Variants in ATG7 observed in about 807,000 individuals in gnomAD.
The protein encoded by ATG7 is ubiquitin-like modifier-activating enzyme ATG7.
ATG7 carries 70 observed loss-of-function variants against 82.4 expected under a neutral mutation model. That is an observed-to-expected ratio of 0.85 (90% CI 0.70 to 1.04). ATG7 has a LOEUF of 1.04. Ranked by LOEUF, ATG7 falls within the 50% of genes least tolerant of loss-of-function variation. The probability of loss-of-function intolerance (pLI) is 0.00; values close to 1 mark genes in which losing one functional copy is unlikely to be tolerated. For missense variants in ATG7, 792 were observed against 864.3 expected (o/e 0.92, Z 1.05); for synonymous variants, 287 against 313.0 (o/e 0.92, Z 0.88).
At chr3:11,574,779 CTA>C in the ATG7 span, among the ~76,000 whole-genome samples, 1,497 of 121,694 alleles carry the variant, frequency 0.012, 18 homozygotes, top group African/African-American at 0.023. Flanking sequence ...GTCAATTCAA[CTA>C]TATATGTGTG....
chr3:11,499,392 C>G (rs1248324561), intron 20 of ATG7, among the ~76,000 whole-genome samples: 1 of 152,130 alleles, frequency 6.6e-6, no homozygotes, highest in East Asian at 1.9e-4. Context: ...TGTGACCCAC[C>G]TTGATCTAGT....
intron 20 of ATG7, among the ~76,000 whole-genome samples, chr3:11,551,072 G>A (rs921192808): frequency 6.6e-6 from 1 of 152,096 alleles, no homozygotes. Flanking sequence ...TTTTCGTAAT[G>A]AGCCGAGATG....
chr3:11,359,379 A>G (rs1181464695), intron 15 of ATG7, among the ~76,000 whole-genome samples: 15 of 152,186 alleles, frequency 9.9e-5, no homozygotes, highest in Admixed American at 9.8e-4. Flanking sequence ...AACTATGAAA[A>G]GTTGTTATAG....
At chr3:11,419,504 A>G (rs2081732076) in intron 19 of ATG7, among the ~76,000 whole-genome samples, 1 of 152,212 alleles carries the variant, frequency 6.6e-6, no homozygotes, top group Non-Finnish European at 1.5e-5. Flanking sequence ...CAGTGAGCCA[A>G]GATCACGTCA....
At chr3:11,366,971 C>CTGTGTGTGTGTGTGTGTGTG (rs60183965) in intron 18 of ATG7, among the ~76,000 whole-genome samples, 3 of 139,694 alleles carry the variant, frequency 2.1e-5, no homozygotes, top group African/African-American at 5.3e-5. Flanking sequence ...ATGGGAAAAG[C>CTGTGTGTGTGTGTGTGTGTG]TGTGTGTGTG....
intron 20 of ATG7, among the ~76,000 whole-genome samples, chr3:11,430,476 ACAAT>A (rs1180190204): frequency 6.6e-6 from 1 of 152,234 alleles, no homozygotes; most frequent in Non-Finnish European, 1.5e-5. Context: ...TTTTAGCAAC[ACAAT>A]CAAGATGCTA....
chr3:11,342,648 A>G (rs1038029333), intron 13 of ATG7, among the ~76,000 whole-genome samples: 2 of 152,044 alleles, frequency 1.3e-5, no homozygotes, highest in African/African-American at 4.8e-5. Flanking sequence ...ACAGGTTTTT[A>G]TTTTTAACTA....
intron 3 of ATG7, among the ~76,000 whole-genome samples, chr3:11,286,457 T>C: frequency 6.6e-6 from 1 of 152,270 alleles, no homozygotes; most frequent in East Asian, 1.9e-4. Flanking sequence ...TTCTGGGGTT[T>C]GTTCTCATAG....
intron 3 of ATG7, among the ~76,000 whole-genome samples, chr3:11,288,235 T>C (rs896642125): frequency 7.9e-5 from 12 of 152,238 alleles, no homozygotes; most frequent in Non-Finnish European, 1.5e-4. Context: ...CTCTGATCTA[T>C]TTCCTGTTTG....
chr3:11,398,816 A>C (rs2079546520), intron 19 of ATG7, among the ~76,000 whole-genome samples: 1 of 152,170 alleles, frequency 6.6e-6, no homozygotes, highest in Non-Finnish European at 1.5e-5. Context: ...ATGCCACTGC[A>C]CTCCAGTGTA....
intron 5 of ATG7, among the ~76,000 whole-genome samples, chr3:11,304,020 G>C (rs1475206256): frequency 6.6e-6 from 1 of 152,122 alleles, no homozygotes; most frequent in African/African-American, 2.4e-5. Flanking sequence ...GAACCTGGGA[G>C]GCGGAGCTTG....
intron 14 of ATG7, among the ~76,000 whole-genome samples, chr3:11,356,758 T>C (rs898791864): frequency 3.9e-5 from 6 of 152,230 alleles, no homozygotes; most frequent in African/African-American, 1.4e-4. Context: ...CTTTTATTAT[T>C]GCTTATTACG....
intron 20 of ATG7, among the ~76,000 whole-genome samples, chr3:11,536,060 C>G (rs1367105282): frequency 6.6e-6 from 1 of 152,146 alleles, no homozygotes; most frequent in Admixed American, 6.5e-5. Flanking sequence ...AAAGGGGCCT[C>G]ATAACTGGCT....
intron 20 of ATG7, among the ~76,000 whole-genome samples, chr3:11,502,989 A>G (rs2091451969): frequency 6.6e-6 from 1 of 152,160 alleles, no homozygotes; most frequent in African/African-American, 2.4e-5. Flanking sequence ...CGTGTATACC[A>G]CTGAAAATAT....
chr3:11,289,659 G>C (rs1944639030), intron 3 of ATG7, among the ~76,000 whole-genome samples: 1 of 152,136 alleles, frequency 6.6e-6, no homozygotes, highest in African/African-American at 2.4e-5. Context: ...GTGGGCTCGA[G>C]CTATCTTCCT....
chr3:11,496,152 C>T (rs969233145), intron 20 of ATG7, among the ~76,000 whole-genome samples: 2 of 152,164 alleles, frequency 1.3e-5, no homozygotes, highest in East Asian at 3.9e-4. Flanking sequence ...AGGACGTTAT[C>T]GCTCTTTAAC....
chr3:11,492,069 C>T (rs913648490), intron 20 of ATG7, among the ~76,000 whole-genome samples: 2 of 152,206 alleles, frequency 1.3e-5, no homozygotes, highest in Non-Finnish European at 2.9e-5. Flanking sequence ...GCCTCGCTGC[C>T]ACCTTGCAGT....
chr3:11,385,016 T>TTTTG (rs144742151), intron 19 of ATG7, among the ~76,000 whole-genome samples: 14,426 of 151,770 alleles, frequency 0.095, 721 homozygotes, highest in Middle Eastern at 0.16. Context: ...TAAATAGTGT[T>TTTTG]TTTGTTTGTT....
intron 20 of ATG7, chr3:11,510,189 A>T (rs1559776848): frequency 2.2e-6 from 1 of 456,598 alleles, no homozygotes; most frequent in Non-Finnish European, 4.4e-6. Context: ...TTTCAGGATC[A>T]TCTTTCTTTC....
Sources: gnomAD v4.1 joint callset for allele counts (sites outside exome capture counted in the v4.1 genomes callset) on GRCh38, gnomAD v4.1.1 for gene constraint, MANE v1.5 for transcripts, NCBI Gene and HGNC (gene_info 2026-07-23, HGNC 2026-07-21) for gene names.